CSTPP1: variants seen among roughly 807,000 people sequenced by gnomAD.
CSTPP1 encodes centriolar satellite-associated tubulin polyglutamylase complex regulator 1.
the CSTPP1 span, among the ~76,000 whole-genome samples, chr11:47,075,926 CAAAAAAA>C: frequency 7.3e-4 from 26 of 35,820 alleles, no homozygotes; most frequent in South Asian, 0.013. Flanking sequence ...GATTCATTCT[CAAAAAAA>C]AAAAAAAAAA....
At chr11:46,974,388 C>T in the CSTPP1 span, among the ~76,000 whole-genome samples, 3 of 151,116 alleles carry the variant, frequency 2.0e-5, no homozygotes, top group Admixed American at 6.6e-5. Flanking sequence ...ATTATCCAGG[C>T]GTGGTGCCAG....
chr11:47,045,851 A>G, the CSTPP1 span, among the ~76,000 whole-genome samples: 2 of 151,824 alleles, frequency 1.3e-5, no homozygotes, highest in African/African-American at 4.8e-5. Context: ...CAGTGGTGCC[A>G]TCTAGGCTCA....
chr11:47,128,164 C>T, the CSTPP1 span, among the ~76,000 whole-genome samples: 1 of 151,670 alleles, frequency 6.6e-6, no homozygotes, highest in African/African-American at 2.4e-5. Flanking sequence ...TGTGAGCCAC[C>T]ATGCCCAGCC....
chr11:46,960,913 T>G, the CSTPP1 span, among the ~76,000 whole-genome samples: 10 of 152,250 alleles, frequency 6.6e-5, no homozygotes, highest in Non-Finnish European at 1.3e-4. Context: ...ACTTCATTCC[T>G]GTTGTGGCTA....
At chr11:46,973,016 T>C in the CSTPP1 span, among the ~76,000 whole-genome samples, 1 of 152,216 alleles carries the variant, frequency 6.6e-6, no homozygotes, top group Non-Finnish European at 1.5e-5. Context: ...ACTGGTAATA[T>C]GGAGATAATA....
chr11:47,066,349 A>AT, the CSTPP1 span, among the ~76,000 whole-genome samples: 92 of 151,340 alleles, frequency 6.1e-4, 1 homozygote, highest in Non-Finnish European at 4.4e-4. Context: ...GTCTGCATGG[A>AT]TTTTCTCTGG....
chr11:47,011,966 G>A, the CSTPP1 span, among the ~76,000 whole-genome samples: 1 of 152,130 alleles, frequency 6.6e-6, no homozygotes, highest in African/African-American at 2.4e-5. Context: ...GCTTCAGATA[G>A]TGATAAATTC....
the CSTPP1 span, among the ~76,000 whole-genome samples, chr11:47,119,825 G>C: frequency 6.6e-6 from 1 of 151,938 alleles, no homozygotes; most frequent in Non-Finnish European, 1.5e-5. Flanking sequence ...TGGTCAGGCT[G>C]GTCTCGAACT....
the CSTPP1 span, among the ~76,000 whole-genome samples, chr11:46,973,780 A>ATGTATGTGTG: frequency 2.0e-5 from 3 of 150,588 alleles, no homozygotes; most frequent in African/African-American, 4.9e-5. Context: ...TGGAGGGTGT[A>ATGTATGTGTG]TGTGTGTGTG....
At chr11:47,038,797 C>G in the CSTPP1 span, among the ~76,000 whole-genome samples, 3 of 115,898 alleles carry the variant, frequency 2.6e-5, no homozygotes, top group Admixed American at 2.7e-4. Flanking sequence ...GGGCGGTTGC[C>G]GGGCGGAGGG....
At chr11:46,993,491 A>G in the CSTPP1 span, among the ~76,000 whole-genome samples, 4 of 152,076 alleles carry the variant, frequency 2.6e-5, no homozygotes, top group East Asian at 1.9e-4. Flanking sequence ...AGCTTTCTAC[A>G]TATGGCTAGC....
chr11:47,027,045 T>G, the CSTPP1 span, among the ~76,000 whole-genome samples: 1 of 152,210 alleles, frequency 6.6e-6, no homozygotes, highest in Non-Finnish European at 1.5e-5. Flanking sequence ...TCTAACATGC[T>G]ATAAAGAGTA....
chr11:47,162,600 AAGAC>A, the CSTPP1 span, among the ~76,000 whole-genome samples: 1 of 152,134 alleles, frequency 6.6e-6, no homozygotes, highest in Non-Finnish European at 1.5e-5. Flanking sequence ...GCAGCTGTGA[AAGAC>A]AGACAGACAC....
the CSTPP1 span, chr11:47,164,253 G>A: frequency 1.1e-5 from 18 of 1,611,538 alleles, no homozygotes; most frequent in Non-Finnish European, 1.4e-5. Context: ...CAGAGAGTGA[G>A]GCCAGGGGCC....
At chr11:47,031,874 C>T in the CSTPP1 span, among the ~76,000 whole-genome samples, 3 of 152,070 alleles carry the variant, frequency 2.0e-5, no homozygotes, top group Non-Finnish European at 2.9e-5. Flanking sequence ...CATCTGCAAG[C>T]TGAGGAGCAA....
At chr11:47,164,000 G>A in the CSTPP1 span, 3 of 1,425,200 alleles carry the variant, frequency 2.1e-6, no homozygotes, top group Non-Finnish European at 2.8e-6. Context: ...CTACTGCCGT[G>A]ACAAGGGGCA....
chr11:47,160,846 A>G, the CSTPP1 span: 5 of 477,182 alleles, frequency 1.0e-5, no homozygotes, highest in Non-Finnish European at 1.9e-5. Flanking sequence ...ACCAGGTCAC[A>G]ACCACCACCT....
At chr11:47,017,723 A>T in the CSTPP1 span, among the ~76,000 whole-genome samples, 1 of 148,064 alleles carries the variant, frequency 6.8e-6, no homozygotes, top group South Asian at 2.1e-4. Flanking sequence ...GCTGGGGTGC[A>T]GTGGCACGAT....
the CSTPP1 span, chr11:47,052,280 A>G: frequency 5.7e-6 from 8 of 1,396,650 alleles, no homozygotes; most frequent in Non-Finnish European, 6.8e-6. Context: ...TGTTGGGGAG[A>G]AAAATTCCCC....
Sources: gnomAD v4.1 joint callset for allele counts (sites outside exome capture counted in the v4.1 genomes callset) on GRCh38, gnomAD v4.1.1 for gene constraint, MANE v1.5 for transcripts, NCBI Gene and HGNC (gene_info 2026-07-23, HGNC 2026-07-21) for gene names.